Variants in HADHA observed in about 807,000 individuals in gnomAD.
HADHA encodes the protein trifunctional enzyme subunit alpha, mitochondrial.
A neutral mutation model predicts 91.3 loss-of-function variants in HADHA; 59 were observed. That is an observed-to-expected ratio of 0.65 (90% CI 0.52 to 0.80). The LOEUF is 0.80. Among genes scored for constraint, HADHA ranks in the 30% least tolerant of loss-of-function variants. The pLI is 0.00. For synonymous variants in HADHA, 320 were observed against 338.9 expected (o/e 0.94, Z 0.61); for missense variants, 800 against 927.6 (o/e 0.86, Z 1.79).
intron 7 of HADHA, among the ~76,000 whole-genome samples, chr2:26,223,526 C>G (rs1670421763): frequency 6.6e-6 from 1 of 152,150 alleles, no homozygotes; most frequent in Non-Finnish European, 1.5e-5. Flanking sequence ...ATCACCCTTT[C>G]CACACCAAAC....
At chr2:26,199,965 G>T (rs565314441) in intron 13 of HADHA, among the ~76,000 whole-genome samples, 61 of 152,250 alleles carry the variant, frequency 4.0e-4, no homozygotes, top group Non-Finnish European at 6.0e-4. Context: ...GCAGAGCCCT[G>T]CCCAGATTGC....
intron 1 of HADHA, among the ~76,000 whole-genome samples, chr2:26,244,141 C>A (rs1195409078): frequency 1.3e-5 from 2 of 152,228 alleles, no homozygotes; most frequent in African/African-American, 4.8e-5. Flanking sequence ...TTTAAGACAG[C>A]TCTTGTTGCG....
intron 17 of HADHA, 33 bp from the exon 18 acceptor site, chr2:26,192,457 TTG>T: frequency 8.7e-7 from 1 of 1,154,514 alleles, no homozygotes; most frequent in Non-Finnish European, 1.3e-6. Flanking sequence ...GTGTTACTAT[TTG>T]TTCTCAGGGA....
In HADHA at chr2:26,236,850, C is replaced by T; in HGVS notation, c.314+5G>A. ...AAAGGTGACTTCAAGTTTCCTAAAA[C>T]TTACTTGATATCAGCACCTGCAATA... On this transcript the variant is annotated splice_donor_5th_base_variant and intron_variant, in intron 4 of 19. Coordinates refer to ENST00000380649, the MANE Select transcript of HADHA (RefSeq NM_000182.5). 6.2e-7 allele frequency: 1 copy of T among 1,608,374 alleles called. No individual in the cohort carries two copies. The highest frequency in any genetic ancestry group is 8.5e-7 in the Non-Finnish European group (1 of 1,176,132).
At chr2:26,244,500 AG>A (rs1206123825) in intron 1 of HADHA, 29 bp downstream of exon 1, 2 of 1,556,804 alleles carry the variant, frequency 1.3e-6, no homozygotes, top group Non-Finnish European at 8.7e-7. Context: ...TTCTGCCCGG[AG>A]GTCTGGGATG....
rs1403515138 is a variant in HADHA at position 26,229,815 on chromosome 2, T to C, written c.676+377A>G. ...GAGCTTCTCTCTGTGCTTCCTGTGA[T>C]ATTCAAGAGGTTAACTGTTTTTTCT... On this transcript the variant is annotated intron_variant, in intron 7 of 19. Transcript: ENST00000380649. The surrounding 1 kb of genome is among the most constrained non-coding windows in gnomAD (Gnocchi z 4.3). Among the ~76,000 whole-genome samples, 2 of 152,224 alleles carry C rather than the reference T, an allele frequency of 1.3e-5. No homozygotes were observed.
Position 26,244,631 on chromosome 2 carries a change from C to T in HADHA, c.-35G>A, listed in dbSNP as rs1399050592. ...AAGAGGACAGCAGTGGAGAGCGCCTCTAACGGGTGCGGCCGAGCGGAGGAC... is the reference window on the plus strand; with the variant it reads ...AAGAGGACAGCAGTGGAGAGCGCCTTTAACGGGTGCGGCCGAGCGGAGGAC... On this transcript the variant is annotated 5_prime_UTR_variant, in exon 1 of 20. Transcript: ENST00000380649. 7.7e-6 allele frequency: 12 copies of T among 1,558,584 alleles called. No individual in the cohort carries two copies. Among genetic ancestry groups the T allele is most frequent in the South Asian group, 1.2e-5 (1 of 84,712 alleles).
intron 12 of HADHA, among the ~76,000 whole-genome samples, chr2:26,203,550 C>T (rs1296403361): frequency 6.6e-6 from 1 of 152,194 alleles, no homozygotes; most frequent in African/African-American, 2.4e-5. Context: ...TTCATGGCTT[C>T]TCTCTGTAAT....
At chr2:26,206,761 G>T (rs1315747114) in intron 11 of HADHA, among the ~76,000 whole-genome samples, 3 of 152,160 alleles carry the variant, frequency 2.0e-5, no homozygotes, top group African/African-American at 7.2e-5. Flanking sequence ...ATGAAAAATT[G>T]TAACAGCCAG....
intron 14 of HADHA, among the ~76,000 whole-genome samples, chr2:26,196,419 A>G (rs116563201): frequency 0.018 from 2,751 of 152,326 alleles, 82 homozygotes; most frequent in African/African-American, 0.061. Flanking sequence ...CTATATAATA[A>G]AATGCACAGA....
Position 26,214,593 on chromosome 2 carries a change from A to G in HADHA, c.800-32T>C. On this transcript the variant is annotated intron_variant, in intron 8 of 19. Transcript: ENST00000380649. The surrounding 1 kb of genome is among the most constrained non-coding windows in gnomAD (Gnocchi z 4.1). The stretch of plus-strand genomic sequence containing the variant: ...AATAAAATGCTTTTAGATATTTACT[A>G]TAAAGAGCCTAGATTCCCTTGTTAG... 1 of 1,108,410 alleles carries G rather than the reference A, an allele frequency of 9.0e-7. No homozygotes were observed. Among genetic ancestry groups the G allele is most frequent in the South Asian group, 1.2e-5 (1 of 80,776 alleles). The allele number at this position is 1,108,410 out of a possible 1,614,324, so 68.7% of individuals were successfully genotyped here.
intron 15 of HADHA, 118 bp downstream of exon 15, chr2:26,194,974 G>A: frequency 1.1e-6 from 1 of 939,022 alleles, no homozygotes; most frequent in Non-Finnish European, 1.8e-6. Flanking sequence ...CAACCCAGGG[G>A]AAAATCATAT....
intron 1 of HADHA, among the ~76,000 whole-genome samples, chr2:26,240,467 T>TA (rs1156420677): frequency 2.0e-5 from 3 of 152,072 alleles, no homozygotes; most frequent in African/African-American, 7.2e-5. Context: ...AAAGTAGAAA[T>TA]TCCAGTGGGA....
intron 12 of HADHA, among the ~76,000 whole-genome samples, chr2:26,201,881 TGTC>T: frequency 6.6e-6 from 1 of 151,972 alleles, no homozygotes; most frequent in East Asian, 1.9e-4. Context: ...TGCAACCTCT[TGTC>T]TCCTGGGTTC....
At chr2:26,203,038 C>T (rs1420987777) in intron 12 of HADHA, among the ~76,000 whole-genome samples, 1 of 152,204 alleles carries the variant, frequency 6.6e-6, no homozygotes, top group African/African-American at 2.4e-5. Context: ...CAATTTCTTA[C>T]TTTGGTGATG....
In HADHA at chr2:26,244,577, A is replaced by C; in HGVS notation, c.20T>G (p.Ile7Ser). 6.3e-7 allele frequency: 1 copy of C among 1,586,674 alleles called. No homozygotes were observed. Among genetic ancestry groups the C allele is most frequent in the Non-Finnish European group, 8.6e-7 (1 of 1,166,146 alleles). Residue 7 changes from isoleucine to serine, a missense_variant, in exon 1 of 20, where the codon ATT (isoleucine) becomes AGT (serine). Physicochemically the swap from Ile to Ser is moderately radical, Grantham distance 142 (BLOSUM62 -2). Coordinates refer to ENST00000380649, the MANE Select transcript of HADHA (RefSeq NM_000182.5). MVACRA[I>S]GILSRFSAFR... ...GGCAGAAAAGCGGCTGAGGATGCCAATCGCCCGGCAGGCCACCATCTTGAG... is the reference window on the plus strand; with the variant it reads ...GGCAGAAAAGCGGCTGAGGATGCCACTCGCCCGGCAGGCCACCATCTTGAG...
At chr2:26,234,475 A>C in intron 4 of HADHA, 120 bp from the exon 5 acceptor site, 1 of 870,808 alleles carries the variant, frequency 1.1e-6, no homozygotes, top group South Asian at 1.4e-5. Flanking sequence ...CAAATCTTCA[A>C]ATAGAAGGTT....
chr2:26,234,080 TCAAAGCAAAAAACAAAAAA>T (rs749668805), intron 5 of HADHA, 118 bp downstream of exon 5: 55 of 837,472 alleles, frequency 6.6e-5, no homozygotes, highest in Non-Finnish European at 1.1e-4. Context: ...AAATTCCGTC[TCAAAGCAAAAAACAAAAAA>T]CAAAGCGGAT....
intron 16 of HADHA, 85 bp downstream of exon 16, chr2:26,194,485 G>T: frequency 3.4e-6 from 3 of 876,146 alleles, no homozygotes; most frequent in Admixed American, 3.6e-5. Flanking sequence ...TCAGAAGGAA[G>T]CTTGGTCCTT....
Sources: allele counts gnomAD v4.1 joint callset (sites outside exome capture counted in the v4.1 genomes callset), GRCh38; gene constraint gnomAD v4.1.1; non-coding constraint Gnocchi (gnomAD v3.1); transcripts MANE v1.5; gene names NCBI Gene and HGNC (gene_info 2026-07-23, HGNC 2026-07-21).